Variants in POU2F2 observed in about 807,000 individuals in gnomAD.
POU2F2 encodes the protein POU domain, class 2, transcription factor 2.
In POU2F2, 14 loss-of-function variants were observed where a neutral mutation model predicts 63.5. The observed-to-expected ratio is 0.22, with a 90% CI of 0.15 to 0.34. The LOEUF (loss-of-function observed/expected upper bound fraction) is 0.34. POU2F2 is among the 10% of genes least tolerant of loss of function. The pLI is 1.00. For synonymous variants in POU2F2, 306 were observed against 348.6 expected (o/e 0.88, Z 1.36); for missense variants, 607 against 815.2 (o/e 0.74, Z 3.11).
chr19:42,091,689 C>T lies in POU2F2; in HGVS notation c.1541-98G>A, dbSNP rs114621956. 1,218 of 1,551,360 alleles carry T rather than the reference C, an allele frequency of 7.9e-4. 13 individuals carry two copies. In the African/African-American group the frequency reaches 0.015, roughly 19 times the overall value. ...CCCAGAGTGCCCCCCATCTCCCCAT[C>T]GGTCCCACTGACCCCCATCAGCACC... On this transcript the variant is annotated intron_variant, in intron 14 of 14. Coordinates refer to ENST00000692977, the MANE Select transcript of POU2F2 (RefSeq NM_001394376.1).
intron 2 of POU2F2, among the ~76,000 whole-genome samples, chr19:42,148,479 G>A (rs757405884): frequency 1.4e-4 from 22 of 152,016 alleles, no homozygotes; most frequent in African/African-American, 3.4e-4. Context: ...ACTCCCCTCC[G>A]CAAACCAGGT....
intron 1 of POU2F2, among the ~76,000 whole-genome samples, chr19:42,172,444 T>C (rs1333248050): frequency 1.3e-5 from 2 of 152,126 alleles, no homozygotes; most frequent in Non-Finnish European, 2.9e-5. Flanking sequence ...ACTCAATAAA[T>C]ACCTATTGAA....
chr19:42,103,627 C>CTTTTTT (rs1001669920), intron 5 of POU2F2, among the ~76,000 whole-genome samples: 69 of 100,542 alleles, frequency 6.9e-4, no homozygotes, highest in African/African-American at 9.0e-4. Context: ...GGGCTCGTTT[C>CTTTTTT]TTTTTTTTTT....
At chr19:42,193,439 G>A (rs1025790146) in intron 1 of POU2F2, among the ~76,000 whole-genome samples, 2 of 152,162 alleles carry the variant, frequency 1.3e-5, no homozygotes, top group African/African-American at 4.8e-5. Context: ...GACACAGACA[G>A]AAGAGGAGAA....
At chr19:42,132,781 A>G (rs150281253), upstream of POU2F2, 561 of 263,314 alleles carry the variant, frequency 2.1e-3, 1 homozygote, top group Middle Eastern at 4.5e-3. Flanking sequence ...CAGCAGTAAC[A>G]ACAATAAAAC....
At chr19:42,110,611 C>A in intron 5 of POU2F2, 1 of 401,688 alleles carries the variant, frequency 2.5e-6, no homozygotes, top group Admixed American at 2.9e-5. Context: ...CTTAACTGTA[C>A]AGGATCACGA....
In POU2F2 at chr19:42,092,529, CT is replaced by C. The variant is rs1262752067; in HGVS notation, c.1265-260del. Among the ~76,000 whole-genome samples, 1 of 152,186 alleles carries C rather than the reference CT, an allele frequency of 6.6e-6. No individual in the cohort carries two copies. Among genetic ancestry groups the C allele is most frequent in the Non-Finnish European group, 1.5e-5 (1 of 68,026 alleles). ...ACTCTACACTCCCTGCCCTGAACCA[CT>C]TTTTTACCGACTAGAAACGGGGGTG... On this transcript the variant is annotated intron_variant, in intron 12 of 14. Transcript: ENST00000692977. The surrounding 1 kb of genome is among the most constrained non-coding windows in gnomAD (Gnocchi z 5.0).
At chr19:42,135,039 C>T (rs2033975252), upstream of POU2F2, among the ~76,000 whole-genome samples, 1 of 151,976 alleles carries the variant, frequency 6.6e-6, no homozygotes, top group Non-Finnish European at 1.5e-5. Context: ...CCCCTGGGGA[C>T]CCTCTCTGTG....
rs1317095917 is a variant in POU2F2 at position 42,132,396 on chromosome 19, T to C, written c.16A>G (p.Met6Val). Residue 6 changes from methionine (M) to valine (V), a missense_variant, in exon 1 of 15, where the codon ATG becomes GTG. Physicochemically the swap from Met to Val is conservative, Grantham distance 21. Around this residue, in one of 7 missense-constraint regions of POU2F2, gnomAD observed 224 missense variants for 264.3 expected, o/e 0.85. Coordinates refer to ENST00000692977, the MANE Select transcript of POU2F2 (RefSeq NM_001394376.1). Reference protein sequence around the residue: MVHSSMGAPEIRMSKP... With the variant: MVHSSVGAPEIRMSKP... ...CCAGCCCCCTTACCTGGAGCCCCCA[T>C]GCTGGAGTGAACCATGCTGCCCGCC... 1.9e-6 allele frequency: 3 copies of C among 1,565,062 alleles called. No individual in the cohort carries two copies. Among genetic ancestry groups the C allele is most frequent in the Non-Finnish European group, 2.6e-6 (3 of 1,159,850 alleles).
chr19:42,101,870 G>T (rs2077154930), intron 5 of POU2F2, among the ~76,000 whole-genome samples: 1 of 152,004 alleles, frequency 6.6e-6, no homozygotes, highest in Non-Finnish European at 1.5e-5. Flanking sequence ...CCAGCTGCTT[G>T]GGAGGCTGAG....
rs907017371 is a variant in POU2F2 at position 42,092,355 on chromosome 19, C to T, written c.1265-85G>A. The stretch of plus-strand genomic sequence containing the variant: ...CCTGGGGTCAGCTCCTACTTGTCCT[C>T]CCGCCCAGCTCACGCAGCATCTCCT... On this transcript the variant is annotated intron_variant, in intron 12 of 14. Coordinates refer to ENST00000692977, the MANE Select transcript of POU2F2 (RefSeq NM_001394376.1). This position sits in a 1 kb window ranked among gnomAD's most constrained non-coding sequence, Gnocchi z 5.0. 12 of 1,042,946 alleles carry T rather than the reference C, an allele frequency of 1.2e-5. No homozygotes were observed. Among genetic ancestry groups the T allele is most frequent in the Non-Finnish European group, 1.7e-5 (12 of 686,158 alleles). 64.6% of individuals were successfully genotyped at this position (1,042,946 alleles called of 1,614,324 possible).
At chr19:42,188,955 G>A (rs2035047410) in intron 1 of POU2F2, among the ~76,000 whole-genome samples, 2 of 150,462 alleles carry the variant, frequency 1.3e-5, no homozygotes, top group South Asian at 2.1e-4. Context: ...AAGGAAGGGA[G>A]TTTTGGGTTG....
chr19:42,091,960 G>A lies in POU2F2; in HGVS notation c.1467-20C>T. On this transcript the variant is annotated intron_variant, in intron 13 of 14. Transcript: ENST00000692977. ...GTGCTTCTGCAAGAGGCAAAGCAGA[G>A]GCATTAGCAGGGGCAGGGACCTGCC... 1.9e-6 allele frequency: 3 copies of A among 1,539,692 alleles called. No homozygotes were observed. The highest frequency in any genetic ancestry group is 2.6e-6 in the Non-Finnish European group (3 of 1,141,928).
At chr19:42,120,848 T>C (rs1169639161) in intron 4 of POU2F2, among the ~76,000 whole-genome samples, 1 of 152,236 alleles carries the variant, frequency 6.6e-6, no homozygotes, top group East Asian at 1.9e-4. Flanking sequence ...TTTTAAAAAA[T>C]TGAGCCAATT....
chr19:42,129,446 C>A (rs2033500592), intron 1 of POU2F2, among the ~76,000 whole-genome samples: 1 of 152,136 alleles, frequency 6.6e-6, no homozygotes, highest in Non-Finnish European at 1.5e-5. Flanking sequence ...TCTCCACCCT[C>A]CCACTCCTCC....
chr19:42,150,644 A>C (rs913099378), intron 2 of POU2F2, among the ~76,000 whole-genome samples: 1 of 139,458 alleles, frequency 7.2e-6, no homozygotes, highest in Non-Finnish European at 1.6e-5. Context: ...TCCCCCCTGC[A>C]CCCCCCTCCC....
chr19:42,140,443 C>T (rs1346594941), intron 2 of POU2F2, among the ~76,000 whole-genome samples: 5 of 152,236 alleles, frequency 3.3e-5, no homozygotes, highest in African/African-American at 2.4e-5. Context: ...CAGGGCCCTA[C>T]AGGACCTCCC....
intron 5 of POU2F2, among the ~76,000 whole-genome samples, chr19:42,115,945 G>T (rs895444230): frequency 6.6e-6 from 1 of 152,204 alleles, no homozygotes; most frequent in Admixed American, 6.5e-5. Context: ...GACGACAGAG[G>T]AGGCAGAGAT....
In POU2F2 at chr19:42,093,841, G is replaced by A. The variant is rs2076824088; in HGVS notation, c.1252C>T (p.Leu418=). ...TLPLSQASSS[L]STTVTTLSSA... is the part of the protein sequence containing the mutation. The stretch of plus-strand genomic sequence containing the variant: ...TGCCCTCCCTGACCTGTTGTGCTCA[G>A]ACTGCTGGAAGCTTGGGACAACGGT... The change falls in exon 12 of 15, where the codon CTG becomes TTG. Residue 418 remains leucine (L), a synonymous_variant. Transcript: ENST00000692977. 6.2e-7 allele frequency: 1 copy of A among 1,611,770 alleles called. No individual in the cohort carries two copies. Among genetic ancestry groups the A allele is most frequent in the Middle Eastern group, 1.7e-4 (1 of 6,054 alleles).
Sources: allele counts gnomAD v4.1 joint callset (sites outside exome capture counted in the v4.1 genomes callset), GRCh38; gene constraint gnomAD v4.1.1; regional missense constraint gnomAD v4.1.1; non-coding constraint Gnocchi (gnomAD v3.1); transcripts MANE v1.5; gene names NCBI Gene and HGNC (gene_info 2026-07-23, HGNC 2026-07-21).